The following INHBA variants were observed in gnomAD, a reference collection of about 807,000 sequenced individuals.
INHBA encodes inhibin beta A chain.
Under a neutral mutation model 29.0 loss-of-function variants are expected in INHBA, and 1 was observed. The observed-to-expected ratio is 0.03, with a 90% CI of 0.01 to 0.16. The LOEUF (loss-of-function observed/expected upper bound fraction) is 0.16. Ranked by LOEUF, INHBA falls within the 10% of genes least tolerant of loss-of-function variation. INHBA has a pLI of 1.00. For missense variants in INHBA, 376 were observed against 545.4 expected, an observed-to-expected ratio of 0.69 and a Z score of 3.09; for synonymous variants, 242 against 216.8, an observed-to-expected ratio of 1.12 and a Z score of -1.02.
chr7:41,701,172 T>C (rs1794785305), intron 1 of INHBA, among the ~76,000 whole-genome samples: 1 of 152,034 alleles, frequency 6.6e-6, no homozygotes, highest in South Asian at 2.1e-4. Context: ...ACAAACACAG[T>C]GTCTCAATCA....
intron 2 of INHBA, among the ~76,000 whole-genome samples, chr7:41,697,592 A>G (rs927070434): frequency 6.6e-6 from 1 of 152,218 alleles, no homozygotes; most frequent in African/African-American, 2.4e-5. Context: ...TGGCATGCTC[A>G]TGGGTGACAA....
chr7:41,696,066 C>T (rs1794640665), intron 2 of INHBA, among the ~76,000 whole-genome samples: 1 of 152,122 alleles, frequency 6.6e-6, no homozygotes, highest in South Asian at 2.1e-4. Flanking sequence ...TTTCTCTCCA[C>T]ACCCTCAGTT....
Position 41,700,484 on chromosome 7 carries a change from G to C in INHBA, c.-110C>G. ...GGATTTTTTTATTTTTTTTTTTGGT[G>C]TTTTTTTTTTCCTTCTCCTCTTCAG... On this transcript the variant is annotated 5_prime_UTR_variant, in exon 2 of 3. Transcript: ENST00000242208. 1.1e-6 allele frequency: 1 copy of C among 943,368 alleles called. No homozygotes were observed. Among genetic ancestry groups the C allele is most frequent in the Non-Finnish European group, 1.4e-6 (1 of 700,396 alleles). The allele number at this position is 943,368 out of a possible 1,614,324, so 58.4% of individuals were successfully genotyped here.
Position 41,688,444 on chromosome 7 carries a change from T to C in INHBA, c.*1206A>G, listed in dbSNP as rs1281953351. 6.6e-6 allele frequency: 1 copy of C among 152,088 alleles called. No homozygotes were observed. Among genetic ancestry groups the C allele is most frequent in the African/African-American group, 2.4e-5 (1 of 41,404 alleles). 9.4% of individuals were successfully genotyped at this position (152,088 alleles called of 1,614,324 possible). A position where few individuals can be genotyped will look rare whatever the true frequency, so the allele number is the denominator to read the frequency against. ...CCTTGAATCCCAACCCCTGACTCATTGATGGTGAATGATACCAACCACAGA... is the reference window on the plus strand; with the variant it reads ...CCTTGAATCCCAACCCCTGACTCATCGATGGTGAATGATACCAACCACAGA... On this transcript the variant is annotated 3_prime_UTR_variant, in exon 3 of 3. Coordinates refer to ENST00000242208, the MANE Select transcript of INHBA (RefSeq NM_002192.4).
intron 2 of INHBA, among the ~76,000 whole-genome samples, chr7:41,690,834 C>T (rs1390678354): frequency 1.3e-5 from 2 of 152,210 alleles, no homozygotes; most frequent in Admixed American, 1.3e-4. Context: ...TGGTTATGCT[C>T]ATTTCTGTAC....
intron 2 of INHBA, among the ~76,000 whole-genome samples, chr7:41,692,859 A>T (rs1260378711): frequency 6.6e-6 from 1 of 152,218 alleles, no homozygotes; most frequent in Admixed American, 6.5e-5. Context: ...AAAGAGAAGA[A>T]GATTCCCATA....
At chr7:41,692,957 G>A (rs535287713) in intron 2 of INHBA, among the ~76,000 whole-genome samples, 7 of 152,304 alleles carry the variant, frequency 4.6e-5, no homozygotes, top group African/African-American at 9.6e-5. Flanking sequence ...GGAGAAGGCC[G>A]AGGGAAACCT....
chr7:41,689,471 T>G lies in INHBA; in HGVS notation c.*179A>C. On this transcript the variant is annotated 3_prime_UTR_variant, in exon 3 of 3. Coordinates refer to ENST00000242208, the MANE Select transcript of INHBA (RefSeq NM_002192.4). ...CTGGCTAAGGATTTTTTCCACATCTTCCTTCATCTGTTTCATCAGGTTTTG... is the reference window on the plus strand; with the variant it reads ...CTGGCTAAGGATTTTTTCCACATCTGCCTTCATCTGTTTCATCAGGTTTTG... 1.7e-6 allele frequency: 1 copy of G among 585,308 alleles called. No homozygotes were observed. Among genetic ancestry groups the G allele is most frequent in the East Asian group, 3.2e-5 (1 of 31,406 alleles). 36.3% of individuals were successfully genotyped at this position (585,308 alleles called of 1,614,324 possible). A position where few individuals can be genotyped will look rare whatever the true frequency, so the allele number is the denominator to read the frequency against.
intron 2 of INHBA, among the ~76,000 whole-genome samples, chr7:41,695,505 C>A (rs2128670307): frequency 6.6e-6 from 1 of 152,290 alleles, no homozygotes; most frequent in Middle Eastern, 3.4e-3. Context: ...TAAGGTTATT[C>A]CTCCTTTGAC....
upstream of INHBA, among the ~76,000 whole-genome samples, chr7:41,704,407 G>A (rs149168229): frequency 3.9e-3 from 592 of 152,190 alleles, 3 homozygotes; most frequent in African/African-American, 0.013. Context: ...GGCGAAGACA[G>A]AAATAGGATT....
intron 2 of INHBA, chr7:41,693,833 T>C (rs1794575540): frequency 6.6e-6 from 1 of 152,214 alleles, no homozygotes; most frequent in Non-Finnish European, 1.5e-5. Context: ...GTTCCCTGTA[T>C]TTGCATCCAC....
At chr7:41,704,677 T>G (rs1047185282), upstream of INHBA, among the ~76,000 whole-genome samples, 362 of 102,012 alleles carry the variant, frequency 3.5e-3, no homozygotes, top group Non-Finnish European at 4.0e-3. Flanking sequence ...GGGGTGGGGG[T>G]GGGGGGCACA....
intron 1 of INHBA, among the ~76,000 whole-genome samples, chr7:41,701,037 C>CG (rs1562571584): frequency 6.6e-6 from 1 of 151,996 alleles, no homozygotes; most frequent in Non-Finnish European, 1.5e-5. Flanking sequence ...TCACCATTTT[C>CG]GGGGGTTCTA....
rs1794432148 is a variant in INHBA at position 41,688,509 on chromosome 7, G to A, written c.*1141C>T. 1 of 151,844 alleles carries A rather than the reference G, an allele frequency of 6.6e-6. No individual in the cohort carries two copies. The highest frequency in any genetic ancestry group is 2.4e-5 in the African/African-American group (1 of 41,346). The allele number at this position is 151,844 out of a possible 1,614,324, so 9.4% of individuals were successfully genotyped here. A position where few individuals can be genotyped will look rare whatever the true frequency, so the allele number is the denominator to read the frequency against. ...GCTCACACAAATGTCTTTGGTGTAT[G>A]TGTCTATTTTTTAAGGTACAAAATA... On this transcript the variant is annotated 3_prime_UTR_variant, in exon 3 of 3. Transcript: ENST00000242208.
intron 2 of INHBA, among the ~76,000 whole-genome samples, chr7:41,699,779 G>A (rs766266733): frequency 6.6e-6 from 1 of 152,028 alleles, no homozygotes; most frequent in Non-Finnish European, 1.5e-5. Flanking sequence ...GGCAGAGCTC[G>A]ACCGAGAATT....
rs1365746909 is a variant in INHBA at position 41,690,198 on chromosome 7, C to G, written c.733G>C (p.Glu245Gln). 6.2e-7 allele frequency: 1 copy of G among 1,613,884 alleles called. No individual in the cohort carries two copies. Among genetic ancestry groups the G allele is most frequent in the African/African-American group, 1.3e-5 (1 of 74,900 alleles). Reference sequence around the variant, plus strand: ...CTGGCGCCACTCTCCTGGCACTGCTCACAGGCAATCCGAACGTCCAGGGAG... The same window carrying G: ...CTGGCGCCACTCTCCTGGCACTGCTGACAGGCAATCCGAACGTCCAGGGAG... ...KSSLDVRIAC[E>Q]QCQESGASLV... Residue 245 changes from glutamate (E) to glutamine (Q), a missense_variant, in exon 3 of 3, where the codon GAG becomes CAG. This residue lies in a region of INHBA where 253 missense variants were observed against 313.4 expected (regional missense o/e 0.81). Coordinates refer to ENST00000242208, the MANE Select transcript of INHBA (RefSeq NM_002192.4).
At chr7:41,698,043 C>A (rs896035442) in intron 2 of INHBA, among the ~76,000 whole-genome samples, 1 of 152,116 alleles carries the variant, frequency 6.6e-6, no homozygotes, top group African/African-American at 2.4e-5. Context: ...GAACGTCCAA[C>A]GAATCGCTTT....
At chr7:41,701,083 C>T (rs1562571627) in intron 1 of INHBA, among the ~76,000 whole-genome samples, 1 of 151,274 alleles carries the variant, frequency 6.6e-6, no homozygotes, top group African/African-American at 2.4e-5. Flanking sequence ...TAATTTTGTT[C>T]ACTATTTTTT....
chr7:41,703,790 C>CACA (rs1554287649), upstream of INHBA, among the ~76,000 whole-genome samples: 322 of 151,438 alleles, frequency 2.1e-3, 2 homozygotes, highest in African/African-American at 6.4e-3. Flanking sequence ...CACACACACA[C>CACA]ACAACAACAA....
Sources: gnomAD v4.1 joint callset for allele counts (sites outside exome capture counted in the v4.1 genomes callset) on GRCh38, gnomAD v4.1.1 for gene constraint, gnomAD v4.1.1 regional missense constraint, MANE v1.5 for transcripts, NCBI Gene and HGNC (gene_info 2026-07-23, HGNC 2026-07-21) for gene names.